GASK1B: variants seen among roughly 807,000 people sequenced by gnomAD.
GASK1B encodes the protein Golgi-associated kinase 1B.
Under a neutral mutation model 42.8 loss-of-function variants are expected in GASK1B, and 34 were observed. The ratio of observed to expected loss-of-function variants is 0.79; its 90% CI spans 0.60 to 1.06. GASK1B has a LOEUF of 1.06. GASK1B is among the 50% of genes least tolerant of loss of function. GASK1B has a pLI of 0.00. For synonymous variants in GASK1B, 262 were observed against 259.1 expected (o/e 1.01, Z -0.11); for missense variants, 686 against 661.0 (o/e 1.04, Z -0.42).
chr4:158,154,007 A>C (rs1159554309), intron 3 of GASK1B, among the ~76,000 whole-genome samples: 2 of 152,108 alleles, frequency 1.3e-5, no homozygotes, highest in East Asian at 3.9e-4. Flanking sequence ...AAAAAGATAA[A>C]TAGATAGAAC....
At chr4:158,135,296 G>A (rs1436251612) in intron 3 of GASK1B, among the ~76,000 whole-genome samples, 1 of 144,548 alleles carries the variant, frequency 6.9e-6, no homozygotes, top group African/African-American at 2.6e-5. Flanking sequence ...ACTCCAGCGT[G>A]GGCGACAGGG....
At chr4:158,154,010 G>T (rs577046624) in intron 3 of GASK1B, among the ~76,000 whole-genome samples, 16 of 151,980 alleles carry the variant, frequency 1.1e-4, no homozygotes, top group African/African-American at 3.9e-4. Flanking sequence ...AAGATAAATA[G>T]ATAGAACTTA....
chr4:158,134,164 A>T (rs1220701356), intron 3 of GASK1B, among the ~76,000 whole-genome samples: 1 of 151,572 alleles, frequency 6.6e-6, no homozygotes, highest in Non-Finnish European at 1.5e-5. Flanking sequence ...GACCACAAAA[A>T]CATAATCTAC....
At chr4:158,153,679 T>C (rs1192618785) in intron 3 of GASK1B, among the ~76,000 whole-genome samples, 1 of 152,112 alleles carries the variant, frequency 6.6e-6, no homozygotes, top group African/African-American at 2.4e-5. Flanking sequence ...TGGAACAGAA[T>C]AGAGGACCCA....
chr4:158,130,894 A>T lies in GASK1B; in HGVS notation c.1244T>A (p.Ile415Asn). The change falls in exon 4 of 5, where the codon ATT becomes AAT. Residue 415 changes from isoleucine to asparagine, a missense_variant. Physicochemically the swap from Ile to Asn is moderately radical, Grantham distance 149. Coordinates refer to ENST00000585682, the MANE Select transcript of GASK1B (RefSeq NM_001128424.2). ...DDQGSAALAH[I>N]IQRKHDPRHL... ...CCTTGGGTCATGCTTTCGCTGGATA[A>T]TGTGTGCTAGAGCCGCAGAACCTTG... The T allele has an allele frequency of 1.2e-6, 2 of 1,614,090 alleles. No homozygotes were observed. Among genetic ancestry groups the T allele is most frequent in the Non-Finnish European group, 1.7e-6 (2 of 1,179,976 alleles).
At chr4:158,144,001 T>C (rs1318100303) in intron 3 of GASK1B, among the ~76,000 whole-genome samples, 1 of 152,186 alleles carries the variant, frequency 6.6e-6, no homozygotes, top group Non-Finnish European at 1.5e-5. Context: ...TTGATAAAAT[T>C]CTACTTTTTT....
At chr4:158,149,337 G>T (rs1212703113) in intron 3 of GASK1B, among the ~76,000 whole-genome samples, 1 of 152,188 alleles carries the variant, frequency 6.6e-6, no homozygotes, top group African/African-American at 2.4e-5. Context: ...TGCTACCATT[G>T]TGGTTGTTTT....
At chr4:158,137,647 C>T (rs1369529899) in intron 3 of GASK1B, among the ~76,000 whole-genome samples, 2 of 152,148 alleles carry the variant, frequency 1.3e-5, no homozygotes, top group African/African-American at 4.8e-5. Context: ...ATCCCACAAT[C>T]CCATGGCACT....
intron 3 of GASK1B, among the ~76,000 whole-genome samples, chr4:158,146,086 T>A (rs1047233818): frequency 3.9e-5 from 6 of 152,314 alleles, no homozygotes; most frequent in Non-Finnish European, 5.9e-5. Flanking sequence ...ACTTTATATA[T>A]TTTACTTTCA....
At chr4:158,134,259 C>T (rs1190604412) in intron 3 of GASK1B, among the ~76,000 whole-genome samples, 1 of 152,178 alleles carries the variant, frequency 6.6e-6, no homozygotes, top group Admixed American at 6.5e-5. Flanking sequence ...GACAGCTTAT[C>T]TAATTTTTAA....
In GASK1B at chr4:158,170,670, G is replaced by T. The variant is rs770386359; in HGVS notation, c.706C>A (p.Arg236=). Residue 236 remains arginine, a synonymous_variant, in exon 2 of 5, where the codon CGG becomes AGG. Coordinates refer to ENST00000585682, the MANE Select transcript of GASK1B (RefSeq NM_001128424.2). ...LLADSAVAGL[R]PVSSRSGARL... is the part of the protein sequence containing the mutation. ...GCTCCGCTCCTAGAGGACACAGGCC[G>T]GAGCCCTGCCACTGCGCTGTCCGCC... 57 of 1,613,962 alleles carry T rather than the reference G, an allele frequency of 3.5e-5. No homozygotes were observed. Among genetic ancestry groups the T allele is most frequent in the Non-Finnish European group, 4.7e-5 (56 of 1,180,050 alleles).
intron 3 of GASK1B, among the ~76,000 whole-genome samples, chr4:158,132,643 T>C (rs1446275049): frequency 1.3e-5 from 2 of 152,196 alleles, no homozygotes; most frequent in African/African-American, 2.4e-5. Context: ...AGATCAAGGA[T>C]TGTAAGAGAA....
At chr4:158,146,884 C>G (rs1297106667) in intron 3 of GASK1B, among the ~76,000 whole-genome samples, 1 of 152,194 alleles carries the variant, frequency 6.6e-6, no homozygotes. Context: ...TTTATACCCC[C>G]ACGTTTCAAG....
chr4:158,141,588 T>C (rs1325310971), intron 3 of GASK1B, among the ~76,000 whole-genome samples: 2 of 148,368 alleles, frequency 1.3e-5, no homozygotes, highest in Non-Finnish European at 3.0e-5. Context: ...TCAGTGCCTT[T>C]GTATTTACCT....
At chr4:158,163,912 G>C (rs1732128630) in intron 2 of GASK1B, among the ~76,000 whole-genome samples, 1 of 152,134 alleles carries the variant, frequency 6.6e-6, no homozygotes, top group Non-Finnish European at 1.5e-5. Context: ...GAATTGAATT[G>C]ATTACAAACA....
Position 158,130,925 on chromosome 4 carries a change from C to T in GASK1B, c.1213G>A (p.Asp405Asn). Residue 405 changes from aspartate to asparagine, a missense_variant, in exon 4 of 5, where the codon GAT (aspartate) becomes AAT (asparagine). Transcript: ENST00000585682. ...CVQNGLRPKC[D>N]DQGSAALAHI... ...GCTAGAGCCGCAGAACCTTGGTCATCACATTTTGGCCTCAATCCATTCTGT... is the reference window on the plus strand; with the variant it reads ...GCTAGAGCCGCAGAACCTTGGTCATTACATTTTGGCCTCAATCCATTCTGT... The T allele has an allele frequency of 6.2e-7, 1 of 1,614,114 alleles. No individual in the cohort carries two copies. The highest frequency in any genetic ancestry group is 8.5e-7 in the Non-Finnish European group (1 of 1,179,978).
intron 3 of GASK1B, among the ~76,000 whole-genome samples, chr4:158,139,489 A>G (rs1283235176): frequency 6.6e-6 from 1 of 152,178 alleles, no homozygotes; most frequent in African/African-American, 2.4e-5. Flanking sequence ...CTTTGAAGTT[A>G]CTAGATCTTA....
In GASK1B at chr4:158,171,153, C is replaced by T. The variant is rs753398139; in HGVS notation, c.223G>A (p.Asp75Asn). The T allele has an allele frequency of 1.2e-6, 2 of 1,607,842 alleles. No individual in the cohort carries two copies. Among genetic ancestry groups the T allele is most frequent in the South Asian group, 1.1e-5 (1 of 90,642 alleles). ...AAEKGPHRSR[D>N]TAEPSFPEIP... is the part of the protein sequence containing the mutation. ...TCAGGGAAGGATGGCTCGGCGGTGT[C>T]GCGGCTGCGATGTGGCCCCTTCTCA... Residue 75 changes from aspartate (D) to asparagine (N), a missense_variant, in exon 2 of 5, where the codon GAC becomes AAC. Coordinates refer to ENST00000585682, the MANE Select transcript of GASK1B (RefSeq NM_001128424.2).
At chr4:158,146,571 T>C (rs1731338773) in intron 3 of GASK1B, among the ~76,000 whole-genome samples, 1 of 152,198 alleles carries the variant, frequency 6.6e-6, no homozygotes, top group Admixed American at 6.5e-5. Flanking sequence ...TTATTATTCC[T>C]ATTTTACAGA....
Sources: allele counts gnomAD v4.1 joint callset (sites outside exome capture counted in the v4.1 genomes callset), GRCh38; gene constraint gnomAD v4.1.1; transcripts MANE v1.5; gene names NCBI Gene and HGNC (gene_info 2026-07-23, HGNC 2026-07-21).